Variants in MZF1 observed in about 807,000 individuals in gnomAD.
MZF1 encodes myeloid zinc finger 1.
MZF1 carries 24 observed loss-of-function variants against 28.6 expected under a neutral mutation model. That is an observed-to-expected ratio of 0.84 (90% CI 0.61 to 1.18). The LOEUF is 1.18. MZF1 is among the 50% of genes most tolerant of loss of function. The probability of loss-of-function intolerance (pLI) is 0.00; values close to 1 mark genes in which losing one functional copy is unlikely to be tolerated. For missense variants in MZF1, 1,166 were observed against 1,026.4 expected, an observed-to-expected ratio of 1.14 and a Z score of -1.86; for synonymous variants, 516 against 432.5, an observed-to-expected ratio of 1.19 and a Z score of -2.40.
In MZF1 at chr19:58,569,396, C is replaced by T. The variant is rs200449491; in HGVS notation, c.653G>A (p.Arg218Lys). 3.0e-5 allele frequency: 48 copies of T among 1,613,978 alleles called. No homozygotes were observed. Among genetic ancestry groups the T allele is most frequent in the Non-Finnish European group, 4.0e-5 (47 of 1,180,008 alleles). Residue 218 changes from arginine (R) to lysine (K), a missense_variant and splice_region_variant, in exon 5 of 6, where the codon AGA (arginine) becomes AAA (lysine). By Grantham distance (26) the Arg-to-Lys change is conservative. Coordinates refer to ENST00000215057, the MANE Select transcript of MZF1 (RefSeq NM_198055.2). ...GATCTGGTCCAGCACGGTCCCACATCTCTGAAATCACAGTGGTCACTGCTC... is the reference window on the plus strand; with the variant it reads ...GATCTGGTCCAGCACGGTCCCACATTTCTGAAATCACAGTGGTCACTGCTC... ...VPTLLPEEAQ[R>K]CGTVLDQIFP...
intron 2 of MZF1, 133 bp downstream of exon 2, chr19:58,570,861 G>A: frequency 1.0e-6 from 1 of 998,264 alleles, no homozygotes; most frequent in Admixed American, 2.7e-5. Context: ...GCCTTGCACA[G>A]GGTCTCTGTT....
In MZF1 at chr19:58,569,321, G is replaced by T; in HGVS notation, c.728C>A (p.Pro243His). The T allele has an allele frequency of 6.2e-7, 1 of 1,613,298 alleles. No individual in the cohort carries two copies. The highest frequency in any genetic ancestry group is 8.5e-7 in the Non-Finnish European group (1 of 1,179,610). Residue 243 changes from proline to histidine, a missense_variant, in exon 5 of 6, where the codon CCC becomes CAC. Transcript: ENST00000215057. The part of the protein sequence containing the change: ...GPEGPSWREH[P>H]RALWHEEAGG... ...AGCTTCCTCATGCCACAGGGCCCTGGGGTGCTCCCTCCATGAGGGACCCTC... is the reference window on the plus strand; with the variant it reads ...AGCTTCCTCATGCCACAGGGCCCTGTGGTGCTCCCTCCATGAGGGACCCTC...
Position 58,563,296 on chromosome 19 carries a change from G to T in MZF1, c.981C>A (p.Gly327=). ...PTDEDPCRGV[G]PALITTRWRS... Reference sequence around the variant, plus strand: ...GCCAGCGGGTGGTGATCAGAGCAGGGCCCACACCCCGGCAGGGATCCTCGT... The same window carrying T: ...GCCAGCGGGTGGTGATCAGAGCAGGTCCCACACCCCGGCAGGGATCCTCGT... The change falls in exon 6 of 6, where the codon GGC becomes GGA. Residue 327 remains glycine (G), a synonymous_variant. Coordinates refer to ENST00000215057, the MANE Select transcript of MZF1 (RefSeq NM_198055.2). The T allele has an allele frequency of 6.2e-7, 1 of 1,608,116 alleles. No homozygotes were observed.
intron 5 of MZF1, among the ~76,000 whole-genome samples, chr19:58,565,779 G>A (rs573201981): frequency 4.3e-4 from 63 of 146,788 alleles, no homozygotes; most frequent in African/African-American, 1.5e-3. Context: ...TGATCCGCCC[G>A]CCTTGGCCTC....
rs1568685557 is a variant in MZF1, at chr19:58,570,480, C to T, written c.444G>A (p.Glu148=). The T allele has an allele frequency of 2.5e-6, 4 of 1,613,806 alleles. No individual in the cohort carries two copies. Among genetic ancestry groups the T allele is most frequent in the Non-Finnish European group, 3.4e-6 (4 of 1,179,820 alleles). The change falls in exon 3 of 6, where the codon GAG becomes GAA. Residue 148 remains glutamate (E), a synonymous_variant. Coordinates refer to ENST00000215057, the MANE Select transcript of MZF1 (RefSeq NM_198055.2). ...CAGGTAGGGGCTGGAAACTGGAGGG[C>T]TCCATCTTCTCTGATAGGACCTCCT... is the stretch of plus-strand genomic sequence containing the variant. ...QGQEVLSEKM[E]PSSFQPLPET...
Position 58,562,247 on chromosome 19 carries a change from C to T in MZF1, c.2030G>A (p.Gly677Asp), listed in dbSNP as rs1037796858. The stretch of plus-strand genomic sequence containing the variant: ...CTCAGGGCATGCGTAGGGCCGTTCA[C>T]CCGTGTGGATGCGCCGGTGCTGGGT... The part of the protein sequence containing the change: ...NLTQHRRIHT[G>D]ERPYACPECG... The change falls in exon 6 of 6, where the codon GGT becomes GAT. Residue 677 changes from glycine to aspartate, a missense_variant. By Grantham distance (94) the Gly-to-Asp change is moderately conservative. Coordinates refer to ENST00000215057, the MANE Select transcript of MZF1 (RefSeq NM_198055.2). 6.2e-7 allele frequency: 1 copy of T among 1,604,916 alleles called. No individual in the cohort carries two copies. Among genetic ancestry groups the T allele is most frequent in the Non-Finnish European group, 8.5e-7 (1 of 1,177,148 alleles).
rs753877896 is a variant in MZF1, at chr19:58,569,305, A to G, written c.744T>C (p.His248=). 2 of 1,609,400 alleles carry G rather than the reference A, an allele frequency of 1.2e-6. No individual in the cohort carries two copies. Among genetic ancestry groups the G allele is most frequent in the Non-Finnish European group, 1.7e-6 (2 of 1,178,096 alleles). ...GGGAGAAGATGCCCCCAGCTTCCTC[A>G]TGCCACAGGGCCCTGGGGTGCTCCC... ...SWREHPRALW[H]EEAGGIFSPG... is the part of the protein sequence containing the mutation. Residue 248 remains histidine, a synonymous_variant, in exon 5 of 6, where the codon CAT becomes CAC. Transcript: ENST00000215057.
rs960376217 is a variant in MZF1 at position 58,563,397 on chromosome 19, ATTGGATCTG to A, written c.871_879del (p.Gln291_Gln293del). The A allele has an allele frequency of 6.3e-7, 1 of 1,599,354 alleles. No homozygotes were observed. The highest frequency in any genetic ancestry group is 1.3e-5 in the African/African-American group (1 of 74,532). On this transcript the variant is annotated inframe_deletion, in exon 6 of 6. Coordinates refer to ENST00000215057, the MANE Select transcript of MZF1 (RefSeq NM_198055.2). The stretch of plus-strand genomic sequence containing the variant: ...GCAAAGCCACCTTCGCGGGAGGGTG[ATTGGATCTG>A]GCCAGAAAGGCCAGCCATGCCGAGG...
Position 58,563,621 on chromosome 19 carries a change from C to G in MZF1, c.773-117G>C, listed in dbSNP as rs1476352846. ...ACCTGAAACTGACCAAAGAGGCAGA[C>G]GGAGGCGACAAATGCAGGGGTAGGG... On this transcript the variant is annotated intron_variant, in intron 5 of 5. Coordinates refer to ENST00000215057, the MANE Select transcript of MZF1 (RefSeq NM_198055.2). 1.0e-5 allele frequency: 8 copies of G among 801,312 alleles called. No homozygotes were observed. The Admixed American group carries it at 2.3e-4, about 24-fold the overall frequency. 49.6% of individuals were successfully genotyped at this position (801,312 alleles called of 1,614,324 possible). A position where few individuals can be genotyped will look rare whatever the true frequency, so the allele number is the denominator to read the frequency against.
At chr19:58,572,311 T>C (rs2054180003) in intron 1 of MZF1, among the ~76,000 whole-genome samples, 2 of 151,580 alleles carry the variant, frequency 1.3e-5, no homozygotes, top group Non-Finnish European at 2.9e-5. Context: ...GCACCCTCTC[T>C]CCCTACTCAG....
At chr19:58,564,810 A>G (rs2054007062) in intron 5 of MZF1, among the ~76,000 whole-genome samples, 1 of 149,338 alleles carries the variant, frequency 6.7e-6, no homozygotes, top group Admixed American at 6.7e-5. Flanking sequence ...CTACCCAAAG[A>G]TGTAGAGCAC....
intron 5 of MZF1, among the ~76,000 whole-genome samples, chr19:58,567,157 C>T (rs2054073810): frequency 1.3e-5 from 2 of 152,212 alleles, no homozygotes; most frequent in African/African-American, 2.4e-5. Context: ...ATCCACCTGC[C>T]TCCGCCTCCC....
At chr19:58,571,577 A>G in intron 1 of MZF1, 148 bp from the exon 2 acceptor site, 1 of 724,586 alleles carries the variant, frequency 1.4e-6, no homozygotes. Flanking sequence ...TACAACCCAC[A>G]GACTTATGCA....
Position 58,563,209 on chromosome 19 carries a change from G to A in MZF1, c.1068C>T (p.Gly356=), listed in dbSNP as rs1248877864. 2.5e-6 allele frequency: 4 copies of A among 1,610,964 alleles called. No individual in the cohort carries two copies. The highest frequency in any genetic ancestry group is 2.2e-5 in the South Asian group (2 of 90,906). The part of the protein sequence containing the change: ...PSTGGGVVRG[G]RCDVCGKVFS... ...ACACCTTGCCACATACATCGCAACG[G>A]CCGCCCCTAACCACCCCGCCCCCAG... The change falls in exon 6 of 6, where the codon GGC becomes GGT. Residue 356 remains glycine (G), a synonymous_variant. Transcript: ENST00000215057.
chr19:58,565,013 C>T (rs1480057945), intron 5 of MZF1, among the ~76,000 whole-genome samples: 8 of 145,830 alleles, frequency 5.5e-5, no homozygotes, highest in Middle Eastern at 3.5e-3. Flanking sequence ...CTCTGCCTCC[C>T]GGGTTCAAGC....
intron 5 of MZF1, among the ~76,000 whole-genome samples, chr19:58,566,490 T>C (rs551663261): frequency 6.6e-6 from 1 of 152,250 alleles, no homozygotes; most frequent in East Asian, 1.9e-4. Flanking sequence ...TGGGAATGTC[T>C]TTGCTTCTGT....
At chr19:58,571,624 C>T (rs2054165517) in intron 1 of MZF1, 195 bp from the exon 2 acceptor site, 1 of 570,562 alleles carries the variant, frequency 1.8e-6, no homozygotes, top group South Asian at 2.2e-5. Flanking sequence ...TATCCCTGGT[C>T]TTCTCTCCGC....
chr19:58,562,862 G>T lies in MZF1; in HGVS notation c.1415C>A (p.Pro472His). The T allele has an allele frequency of 6.5e-7, 1 of 1,544,078 alleles. No individual in the cohort carries two copies. The stretch of plus-strand genomic sequence containing the variant: ...CTCGGGCGCACCAGGAGGGGCCGGG[G>T]GCTTAGCGCCAGGGCCCGGGGGATC... Reference protein sequence around the residue: ...HGDPPGPGAKPPAPPGAPEPP... With the variant: ...HGDPPGPGAKHPAPPGAPEPP... Residue 472 changes from proline (P) to histidine (H), a missense_variant, in exon 6 of 6, where the codon CCC becomes CAC. Transcript: ENST00000215057.
rs1344143906 is a variant in MZF1, at chr19:58,569,275, A to T, written c.772+2T>A. The T allele has an allele frequency of 1.9e-6, 3 of 1,596,892 alleles. No homozygotes were observed. Among genetic ancestry groups the T allele is most frequent in the Non-Finnish European group, 2.6e-6 (3 of 1,172,314 alleles). On this transcript the variant is annotated splice_donor_variant, in intron 5 of 5. Transcript: ENST00000215057. LOFTEE classifies it high-confidence loss of function. ...AGTCCCACCACACCCCATCTCACTT[A>T]CCTGGGGAGAAGATGCCCCCAGCTT...
Sources: allele counts gnomAD v4.1 joint callset (sites outside exome capture counted in the v4.1 genomes callset), GRCh38; gene constraint gnomAD v4.1.1; transcripts MANE v1.5; gene names NCBI Gene and HGNC (gene_info 2026-07-23, HGNC 2026-07-21).